KATNAL2: variants seen among roughly 807,000 people sequenced by gnomAD.
KATNAL2 encodes katanin p60 ATPase-containing subunit A-like 2.
A neutral mutation model predicts 76.3 loss-of-function variants in KATNAL2; 52 were observed. That is an observed-to-expected ratio of 0.68 (90% CI 0.55 to 0.86). The LOEUF is 0.86. Among genes scored for constraint, KATNAL2 ranks in the 40% least tolerant of loss-of-function variants. The pLI is 0.00. For synonymous variants in KATNAL2, 243 were observed against 244.2 expected, an observed-to-expected ratio of 1.00 and a Z score of 0.05; for missense variants, 660 against 668.9, an observed-to-expected ratio of 0.99 and a Z score of 0.15.
At chr18:47,070,189 C>T (rs913520074) in intron 13 of KATNAL2, among the ~76,000 whole-genome samples, 41 of 151,520 alleles carry the variant, frequency 2.7e-4, no homozygotes, top group African/African-American at 9.4e-4. Flanking sequence ...CTCTGCCTCC[C>T]GGGTTCAAGC....
chr18:47,093,388 T>G (rs1694855176), intron 15 of KATNAL2, among the ~76,000 whole-genome samples: 1 of 151,370 alleles, frequency 6.6e-6, no homozygotes, highest in Non-Finnish European at 1.5e-5. Flanking sequence ...TCCTCCCTTC[T>G]GTTTTCTCTG....
chr18:46,958,212 C>T (rs1251466476), intron 3 of KATNAL2, among the ~76,000 whole-genome samples: 2 of 152,124 alleles, frequency 1.3e-5, no homozygotes, highest in Non-Finnish European at 2.9e-5. Context: ...TAGAACCACA[C>T]CATCTACTCT....
intron 16 of KATNAL2, among the ~76,000 whole-genome samples, chr18:47,100,041 GA>G (rs1213815339): frequency 2.0e-5 from 3 of 152,174 alleles, no homozygotes; most frequent in Non-Finnish European, 4.4e-5. Flanking sequence ...GATGGTGTTA[GA>G]AAGCCATTCT....
intron 1 of KATNAL2, among the ~76,000 whole-genome samples, chr18:46,942,665 TTCTA>T (rs934794828): frequency 6.6e-6 from 1 of 152,162 alleles, no homozygotes; most frequent in African/African-American, 2.4e-5. Flanking sequence ...TTATAATATC[TTCTA>T]TCTGTCTCCT....
rs369947014 is a variant in KATNAL2, at chr18:47,034,507, G to A, written c.52-11950G>A. 35 of 1,614,182 alleles carry A rather than the reference G, an allele frequency of 2.2e-5. No individual in the cohort carries two copies. In the East Asian group the frequency reaches 2.2e-4, roughly 10 times the overall value. On this transcript the variant is annotated intron_variant, in intron 3 of 17. Transcript: ENST00000683218. Reference sequence around the variant, plus strand: ...TTCCTCTCTTAAGCAGGCCCCGCATGATTTCTCCCTGATCAAAGTAGGGGA... The same window carrying A: ...TTCCTCTCTTAAGCAGGCCCCGCATAATTTCTCCCTGATCAAAGTAGGGGA...
At chr18:47,033,167 TGCTGCTGCTGTCTCTGCCACC>T (rs749358512) in intron 3 of KATNAL2, 2 of 1,614,132 alleles carry the variant, frequency 1.2e-6, no homozygotes, top group South Asian at 2.2e-5. Context: ...CGAAGGATGC[TGCTGCTGCTGTCTCTGCCACC>T]GCCGCTGCTG....
intron 6 of KATNAL2, among the ~76,000 whole-genome samples, chr18:47,056,344 T>C (rs2061471449): frequency 6.6e-6 from 1 of 152,140 alleles, no homozygotes; most frequent in African/African-American, 2.4e-5. Context: ...TCAATAGAAA[T>C]ACAGTGTCCA....
chr18:47,057,293 A>G (rs942175408), intron 6 of KATNAL2, among the ~76,000 whole-genome samples: 4 of 152,242 alleles, frequency 2.6e-5, no homozygotes, highest in African/African-American at 4.8e-5. Context: ...CTAAGCAACA[A>G]TGTGGGAGTT....
chr18:46,938,187 A>T (rs2059146924), intron 1 of KATNAL2, among the ~76,000 whole-genome samples: 1 of 152,220 alleles, frequency 6.6e-6, no homozygotes, highest in East Asian at 1.9e-4. Context: ...AAACAATGTT[A>T]AATGAAAAGG....
intron 15 of KATNAL2, among the ~76,000 whole-genome samples, chr18:47,080,331 C>T (rs2062448531): frequency 6.6e-6 from 1 of 152,118 alleles, no homozygotes; most frequent in Non-Finnish European, 1.5e-5. Flanking sequence ...AACTCACATA[C>T]CACCCAATTC....
intron 1 of KATNAL2, among the ~76,000 whole-genome samples, chr18:46,940,937 A>G (rs2059228413): frequency 6.6e-6 from 1 of 152,096 alleles, no homozygotes; most frequent in South Asian, 2.1e-4. Context: ...AGGTGGGAGG[A>G]TCACTTGAAC....
intron 1 of KATNAL2, among the ~76,000 whole-genome samples, chr18:46,938,574 T>C (rs1035016853): frequency 3.9e-5 from 6 of 152,332 alleles, no homozygotes; most frequent in African/African-American, 1.2e-4. Flanking sequence ...TCTTCAATAC[T>C]TCCACTGCTA....
chr18:47,099,551 C>A, intron 16 of KATNAL2, 146 bp downstream of exon 16: 2 of 688,258 alleles, frequency 2.9e-6, no homozygotes, highest in Non-Finnish European at 2.3e-6. Context: ...GGCATCTTCA[C>A]GAAGAATAAG....
intron 1 of KATNAL2, among the ~76,000 whole-genome samples, chr18:46,936,389 A>T (rs1568989732): frequency 6.6e-6 from 1 of 152,208 alleles, no homozygotes; most frequent in Non-Finnish European, 1.5e-5. Context: ...GTCAATAATG[A>T]ATAATAACCA....
chr18:46,936,499 A>G (rs899026253), intron 1 of KATNAL2, among the ~76,000 whole-genome samples: 5 of 152,162 alleles, frequency 3.3e-5, no homozygotes, highest in Admixed American at 3.3e-4. Context: ...CAGCTATTCA[A>G]GAGGCTCAGG....
Position 47,069,288 on chromosome 18 carries a change from A to G in KATNAL2, c.889+5A>G. On this transcript the variant is annotated splice_donor_5th_base_variant and intron_variant, in intron 12 of 17. Coordinates refer to ENST00000683218, the MANE Select transcript of KATNAL2 (RefSeq NM_001387690.1). ...TACTGCTGTACGGCCCTCCAGGTAA[A>G]CACAGCTTCCTATTTTGATGTCAGT... 1.9e-6 allele frequency: 3 copies of G among 1,605,346 alleles called. No homozygotes were observed. Among genetic ancestry groups the G allele is most frequent in the Non-Finnish European group, 2.6e-6 (3 of 1,174,832 alleles).
chr18:47,038,116 G>A (rs1225971177), intron 3 of KATNAL2, among the ~76,000 whole-genome samples: 2 of 152,170 alleles, frequency 1.3e-5, no homozygotes, highest in Non-Finnish European at 2.9e-5. Context: ...TCTTTTGATT[G>A]GAGTTGAAGT....
At chr18:47,054,343 T>C (rs994855291) in intron 5 of KATNAL2, 53 bp from the exon 6 acceptor site, 1 of 1,509,734 alleles carries the variant, frequency 6.6e-7, no homozygotes, top group Admixed American at 1.7e-5. Flanking sequence ...AAAAAATCAC[T>C]TTGTCACTCT....
intron 13 of KATNAL2, among the ~76,000 whole-genome samples, chr18:47,070,270 T>C (rs1437108233): frequency 6.6e-6 from 1 of 151,906 alleles, no homozygotes; most frequent in Non-Finnish European, 1.5e-5. Context: ...CTAATTTTTT[T>C]TGTATTTTTA....
Sources: gnomAD v4.1 joint callset for allele counts (sites outside exome capture counted in the v4.1 genomes callset) on GRCh38, gnomAD v4.1.1 for gene constraint, MANE v1.5 for transcripts, NCBI Gene and HGNC (gene_info 2026-07-23, HGNC 2026-07-21) for gene names.